Variants in SFSWAP observed in about 807,000 individuals in gnomAD.
SFSWAP encodes the protein splicing factor SWAP, also known as splicing factor, suppressor of white-apricot homolog.
Under a neutral mutation model 100.7 loss-of-function variants are expected in SFSWAP, and 17 were observed. The observed-to-expected ratio is 0.17, with a 90% confidence interval of 0.12 to 0.25. The LOEUF is 0.25. Among genes scored for constraint, SFSWAP ranks in the 10% least tolerant of loss-of-function variants. SFSWAP has a pLI of 1.00. For missense variants in SFSWAP, 1,005 were observed against 1,262.6 expected (o/e 0.80, Z 3.09); for synonymous variants, 504 against 510.1 (o/e 0.99, Z 0.16).
intron 13 of SFSWAP, among the ~76,000 whole-genome samples, chr12:131,766,679 C>T (rs947150385): frequency 8.5e-5 from 13 of 152,122 alleles, no homozygotes; most frequent in East Asian, 3.9e-4. Context: ...ACCAGTATTG[C>T]GCTCACACGT....
At chr12:131,748,261 G>A (rs908635273) in intron 7 of SFSWAP, among the ~76,000 whole-genome samples, 7 of 140,320 alleles carry the variant, frequency 5.0e-5, no homozygotes, top group African/African-American at 1.8e-4. Flanking sequence ...ATCTCAGCTC[G>A]CTGCAGCCTC....
At chr12:131,723,278 C>CTAA (rs527765922) in intron 4 of SFSWAP, 109 of 152,248 alleles carry the variant, frequency 7.2e-4, no homozygotes, top group African/African-American at 2.6e-3. Flanking sequence ...GTCTAATGAG[C>CTAA]CTTAACTCTT....
chr12:131,776,511 G>A (rs1428710619), intron 13 of SFSWAP, among the ~76,000 whole-genome samples: 2 of 152,256 alleles, frequency 1.3e-5, no homozygotes, highest in Non-Finnish European at 2.9e-5. Flanking sequence ...CAAAGCCAAA[G>A]CAAGAAGCAT....
intron 15 of SFSWAP, among the ~76,000 whole-genome samples, chr12:131,795,676 A>G (rs557219226): frequency 2.6e-4 from 39 of 151,882 alleles, no homozygotes; most frequent in African/African-American, 9.2e-4. Context: ...CAGGCCCTGG[A>G]GGTCTCCCTG....
chr12:131,723,149 A>G (rs1358925700), intron 4 of SFSWAP: 3 of 150,410 alleles, frequency 2.0e-5, no homozygotes, highest in Non-Finnish European at 2.9e-5. Context: ...GCATTATTTC[A>G]TCATAATTTA....
chr12:131,720,198 A>T (rs1878339493), intron 4 of SFSWAP, among the ~76,000 whole-genome samples: 1 of 152,164 alleles, frequency 6.6e-6, no homozygotes, highest in Non-Finnish European at 1.5e-5. Context: ...CTGAATATTC[A>T]TTGAGGGATT....
chr12:131,743,123 A>G (rs1043442169), intron 7 of SFSWAP, among the ~76,000 whole-genome samples: 18 of 152,262 alleles, frequency 1.2e-4, no homozygotes, highest in African/African-American at 3.6e-4. Context: ...TTATAATTCA[A>G]GATGAGATTT....
At chr12:131,738,711 A>T (rs562406107) in intron 7 of SFSWAP, among the ~76,000 whole-genome samples, 29 of 152,012 alleles carry the variant, frequency 1.9e-4, no homozygotes, top group Admixed American at 3.9e-4. Context: ...CATTTAATAT[A>T]TCTCGAACAT....
chr12:131,772,863 G>A (rs1386709369), intron 13 of SFSWAP, among the ~76,000 whole-genome samples: 2 of 152,126 alleles, frequency 1.3e-5, no homozygotes, highest in Admixed American at 1.3e-4. Context: ...GAATATGGAG[G>A]ACTTTATTGA....
chr12:131,720,425 G>C (rs955144511), intron 4 of SFSWAP, among the ~76,000 whole-genome samples: 8 of 152,192 alleles, frequency 5.3e-5, no homozygotes, highest in Non-Finnish European at 8.8e-5. Flanking sequence ...ATTTTTATAT[G>C]TTTACTGGGA....
At chr12:131,770,971 GC>G in intron 13 of SFSWAP, among the ~76,000 whole-genome samples, 1 of 152,310 alleles carries the variant, frequency 6.6e-6, no homozygotes, top group East Asian at 1.9e-4. Context: ...ACTTCACCTA[GC>G]GTGGTATCCT....
Position 131,755,482 on chromosome 12 carries a change from A to T in SFSWAP, c.1548+3A>T. 1 of 1,606,276 alleles carries T rather than the reference A, an allele frequency of 6.2e-7. No homozygotes were observed. The highest frequency in any genetic ancestry group is 1.7e-4 in the Middle Eastern group (1 of 6,040). On this transcript the variant is annotated splice_donor_region_variant and intron_variant, in intron 10 of 17. Transcript: ENST00000261674. ...AAGAAGGGGGCGATAGCATGCAGGT[A>T]CGTGTCTGAATGCAGGGAGGCTGTG...
At chr12:131,775,084 G>C (rs1191206284) in intron 13 of SFSWAP, among the ~76,000 whole-genome samples, 2 of 152,180 alleles carry the variant, frequency 1.3e-5, no homozygotes, top group African/African-American at 4.8e-5. Flanking sequence ...GTTTGCCAGG[G>C]ACCATGTTTT....
chr12:131,755,850 G>A (rs1236741008), intron 10 of SFSWAP, among the ~76,000 whole-genome samples: 1 of 152,188 alleles, frequency 6.6e-6, no homozygotes, highest in African/African-American at 2.4e-5. Context: ...AATATAAGTG[G>A]GCGCCTCATG....
At chr12:131,779,203 ATGAGTGTGTGTGAAGAGGGCGGCGCGGG>A (rs1884270316) in intron 14 of SFSWAP, among the ~76,000 whole-genome samples, 1 of 18,890 alleles carries the variant, frequency 5.3e-5, no homozygotes, top group African/African-American at 9.3e-5. Context: ...GGCAGCGCGG[ATGAGTGTGTGTGAAGAGGGCGGCGCGGG>A]TGAGCGTGTG....
Position 131,797,203 on chromosome 12 carries a change from A to C in SFSWAP, c.2560A>C (p.Arg854=), listed in dbSNP as rs1016186979. The C allele has an allele frequency of 3.1e-6, 5 of 1,610,882 alleles. No individual in the cohort carries two copies. In the African/African-American group the frequency reaches 5.3e-5, roughly 17 times the overall value. The change falls in exon 16 of 18, where the codon AGG becomes CGG. Residue 854 remains arginine (R), a synonymous_variant. Transcript: ENST00000261674. ...AAGTCCCCACGAGAAGAAGAAGAAG[A>C]GGCGGTCCCGGTCGCGGACCAAGTC... The part of the protein sequence containing the change: ...SRSPHEKKKK[R]RSRSRTKSKA...
chr12:131,740,566 G>A (rs1880508559), intron 7 of SFSWAP, among the ~76,000 whole-genome samples: 1 of 152,152 alleles, frequency 6.6e-6, no homozygotes, highest in Admixed American at 6.5e-5. Context: ...TGGTGCCTCT[G>A]CTTGAAGGAC....
intron 7 of SFSWAP, among the ~76,000 whole-genome samples, chr12:131,746,712 G>C (rs1881133681): frequency 6.6e-6 from 1 of 152,182 alleles, no homozygotes; most frequent in Admixed American, 6.5e-5. Flanking sequence ...CCATTTGACA[G>C]GTAGTTTGGA....
At chr12:131,760,224 G>A (rs1337099677) in intron 11 of SFSWAP, among the ~76,000 whole-genome samples, 2 of 152,074 alleles carry the variant, frequency 1.3e-5, no homozygotes, top group Non-Finnish European at 2.9e-5. Context: ...GTCTAATGGG[G>A]GCATGGCCTG....
Sources: allele counts gnomAD v4.1 joint callset (sites outside exome capture counted in the v4.1 genomes callset), GRCh38; gene constraint gnomAD v4.1.1; transcripts MANE v1.5; gene names NCBI Gene and HGNC (gene_info 2026-07-23, HGNC 2026-07-21).